The following DUSP15 variants were observed in gnomAD, a reference collection of about 807,000 sequenced individuals.
DUSP15 encodes the protein dual specificity protein phosphatase 15.
In DUSP15, 23 loss-of-function variants were observed where a neutral mutation model predicts 26.3. That is an observed-to-expected ratio of 0.87 (90% CI 0.63 to 1.24). The LOEUF (loss-of-function observed/expected upper bound fraction) is 1.24. Among genes scored for constraint, DUSP15 ranks in the 50% most tolerant of loss-of-function variants. The probability of loss-of-function intolerance (pLI) is 0.00; values close to 1 mark genes in which losing one functional copy is unlikely to be tolerated. For synonymous variants in DUSP15, 143 were observed against 135.5 expected (o/e 1.06, Z -0.39); for missense variants, 364 against 320.6 (o/e 1.14, Z -1.03).
chr20:31,866,987 A>G, intron 3 of DUSP15, 84 bp downstream of exon 3: 1 of 1,299,562 alleles, frequency 7.7e-7, no homozygotes, highest in Admixed American at 2.1e-5. Context: ...AAGGAAGCAT[A>G]GCACCTAGCA....
At position 31,848,496 on chromosome 20, in the gene DUSP15, AC is replaced by A; in HGVS notation, c.795del (p.Ser266ProfsTer85). 2 of 1,610,800 alleles carry A rather than the reference AC, an allele frequency of 1.2e-6. No homozygotes were observed. Among genetic ancestry groups the A allele is most frequent in the Non-Finnish European group, 1.7e-6 (2 of 1,179,096 alleles). ...CCATCGGGGTTGCCAGGGGTTGAGG[AC>A]CCATCTGGGCGCTCGGTTGAGGCAC... is the stretch of plus-strand genomic sequence containing the variant. On this transcript the variant is annotated frameshift_variant, in exon 10 of 10. Coordinates refer to the DUSP15 transcript ENST00000278979. LOFTEE classifies it low-confidence loss of function (END_TRUNC).
At chr20:31,868,351 A>G (rs766384716) in intron 2 of DUSP15, among the ~76,000 whole-genome samples, 7 of 152,132 alleles carry the variant, frequency 4.6e-5, no homozygotes, top group Non-Finnish European at 1.0e-4. Flanking sequence ...AGGGTGAAGC[A>G]CCTGAGCCCC....
chr20:31,867,708 G>A (rs1246981513), intron 2 of DUSP15, among the ~76,000 whole-genome samples: 2 of 135,586 alleles, frequency 1.5e-5, no homozygotes, highest in Non-Finnish European at 3.0e-5. Flanking sequence ...CCAGTGGCGC[G>A]ATCTCGGCTG....
At chr20:31,860,935 G>C, downstream of DUSP15, 1 of 960,440 alleles carries the variant, frequency 1.0e-6, no homozygotes, top group Non-Finnish European at 1.2e-6. Flanking sequence ...AGGGTGGTGG[G>C]CTCCTCAGGC....
downstream of DUSP15, among the ~76,000 whole-genome samples, chr20:31,856,095 G>A (rs184925129): frequency 2.0e-5 from 3 of 152,328 alleles, no homozygotes; most frequent in East Asian, 5.8e-4. Context: ...ACCTCCCAGG[G>A]AAGGCTCTCT....
chr20:31,864,069 G>A, intron 4 of DUSP15, 88 bp from the exon 5 acceptor site: 1 of 1,588,988 alleles, frequency 6.3e-7, no homozygotes, highest in Non-Finnish European at 8.6e-7. Context: ...AGGATAGCAA[G>A]GGACATAGAG....
chr20:31,846,476 G>GAGAGA (rs1555791617), downstream of DUSP15, among the ~76,000 whole-genome samples: 2 of 128,516 alleles, frequency 1.6e-5, no homozygotes, highest in African/African-American at 3.9e-5. Context: ...GAGAGAGAGA[G>GAGAGA]GAGAGAGAGG....
intron 6 of DUSP15, 101 bp downstream of exon 6, chr20:31,862,470 G>A: frequency 7.1e-7 from 1 of 1,415,516 alleles, no homozygotes; most frequent in Non-Finnish European, 9.5e-7. Context: ...AAAAATCCGG[G>A]TCTGAGGCAC....
chr20:31,865,795 T>C (rs540167797), intron 3 of DUSP15, among the ~76,000 whole-genome samples: 4 of 152,330 alleles, frequency 2.6e-5, no homozygotes, highest in Non-Finnish European at 5.9e-5. Context: ...CATTTGGCCT[T>C]GGGTTTGTGT....
At chr20:31,852,942 C>T (rs1455767226) in intron 6 of DUSP15, among the ~76,000 whole-genome samples, 1 of 152,214 alleles carries the variant, frequency 6.6e-6, no homozygotes, top group African/African-American at 2.4e-5. Flanking sequence ...TTGGTGCCCT[C>T]CAAATGCTTG....
intron 6 of DUSP15, among the ~76,000 whole-genome samples, chr20:31,852,211 G>T (rs2062481659): frequency 6.6e-6 from 1 of 152,086 alleles, no homozygotes. Flanking sequence ...GTTTCACTAT[G>T]TTGGCCAAGC....
chr20:31,870,343 C>G lies in DUSP15; in HGVS notation c.-6G>C. On this transcript the variant is annotated 5_prime_UTR_variant, in exon 1 of 7. Coordinates refer to ENST00000339738, the MANE Select transcript of DUSP15 (RefSeq NM_080611.5). The surrounding 1 kb of genome is among the most constrained non-coding windows in gnomAD (Gnocchi z 6.6). The stretch of plus-strand genomic sequence containing the variant: ...TTGGTCATGCCATTGCCCATGATCC[C>G]GGGGGCGGCGGTCCGGGTGCACCCC... 1 of 1,275,736 alleles carries G rather than the reference C, an allele frequency of 7.8e-7. No homozygotes were observed. Among genetic ancestry groups the G allele is most frequent in the Non-Finnish European group, 9.9e-7 (1 of 1,011,774 alleles). The allele number at this position is 1,275,736 out of a possible 1,614,324, so 79.0% of individuals were successfully genotyped here. A position where few individuals can be genotyped will look rare whatever the true frequency, so the allele number is the denominator to read the frequency against.
exon 9 of DUSP15, chr20:31,848,826 C>T (rs377341994): frequency 2.5e-6 from 4 of 1,612,066 alleles, no homozygotes; most frequent in South Asian, 1.1e-5. Flanking sequence ...ATGAGCTGCT[C>T]CTTGGGGTGC....
downstream of DUSP15, among the ~76,000 whole-genome samples, chr20:31,856,651 G>T (rs1286495699): frequency 1.3e-5 from 2 of 152,126 alleles, no homozygotes; most frequent in Admixed American, 1.3e-4. Flanking sequence ...CAGAGCTGAT[G>T]AGTGTGATGT....
intron 8 of DUSP15, chr20:31,849,053 C>G: frequency 1.5e-6 from 1 of 647,702 alleles, no homozygotes; most frequent in East Asian, 2.8e-5. Flanking sequence ...AGGCCCACTT[C>G]CACGTTCCTA....
intron 2 of DUSP15, among the ~76,000 whole-genome samples, chr20:31,868,522 C>T (rs953903438): frequency 9.1e-5 from 13 of 142,638 alleles, no homozygotes; most frequent in African/African-American, 2.6e-4. Context: ...CTCTGTTGCC[C>T]AGACTGGAGT....
At chr20:31,845,602 C>T (rs981991405), downstream of DUSP15, 120 of 1,582,338 alleles carry the variant, frequency 7.6e-5, no homozygotes, top group South Asian at 1.2e-4. Flanking sequence ...CCAGGGCTGG[C>T]GTCCGGAATA....
chr20:31,868,153 A>G (rs1263827705), intron 2 of DUSP15, among the ~76,000 whole-genome samples: 1 of 152,166 alleles, frequency 6.6e-6, no homozygotes, highest in Non-Finnish European at 1.5e-5. Flanking sequence ...ATGAGCATTT[A>G]CCGAGTGCTA....
At chr20:31,869,227 CT>C (rs1453802019) in intron 2 of DUSP15, among the ~76,000 whole-genome samples, 1 of 152,226 alleles carries the variant, frequency 6.6e-6, no homozygotes, top group Non-Finnish European at 1.5e-5. Context: ...GAGGCTGAGG[CT>C]TAGCGCAGGT....
Sources: allele counts gnomAD v4.1 joint callset (sites outside exome capture counted in the v4.1 genomes callset), GRCh38; gene constraint gnomAD v4.1.1; non-coding constraint Gnocchi (gnomAD v3.1); transcripts MANE v1.5; gene names NCBI Gene and HGNC (gene_info 2026-07-23, HGNC 2026-07-21).